The following TBCD variants were observed in gnomAD, a reference collection of about 807,000 sequenced individuals.
TBCD encodes the protein tubulin folding cofactor D.
A neutral mutation model predicts 169.3 loss-of-function variants in TBCD; 105 were observed. The observed-to-expected ratio is 0.62, with a 90% confidence interval of 0.53 to 0.73. The LOEUF (loss-of-function observed/expected upper bound fraction) is 0.73, where lower values mean the gene tolerates loss of function less well. TBCD is among the 30% of genes least tolerant of loss of function. The probability of loss-of-function intolerance (pLI) is 0.00; values close to 1 mark genes in which losing one functional copy is unlikely to be tolerated. For missense variants in TBCD, 1,444 were observed against 1,600.1 expected, an observed-to-expected ratio of 0.90 and a Z score of 1.66; for synonymous variants, 700 against 643.9, an observed-to-expected ratio of 1.09 and a Z score of -1.32.
At chr17:82,817,308 T>C (rs973931120) in intron 13 of TBCD, among the ~76,000 whole-genome samples, 1 of 151,962 alleles carries the variant, frequency 6.6e-6, no homozygotes, top group African/African-American at 2.4e-5. Context: ...TTTTTTTTCT[T>C]TTTTTGAGAC....
intron 2 of TBCD, among the ~76,000 whole-genome samples, chr17:82,758,875 G>A (rs2047599099): frequency 6.6e-6 from 1 of 151,370 alleles, no homozygotes; most frequent in Non-Finnish European, 1.5e-5. Context: ...TGGCCAGGCT[G>A]GTCTCAAACT....
chr17:82,907,712 T>G, intron 20 of TBCD, 49 bp from the exon 21 acceptor site: 1 of 1,605,252 alleles, frequency 6.2e-7, no homozygotes, highest in Non-Finnish European at 8.5e-7. Flanking sequence ...GTACTCGGGG[T>G]TAGGGTCTTG....
At position 82,877,092 on chromosome 17, in the gene TBCD, A is replaced by G. The variant is rs184387243; in HGVS notation, c.1475+6712A>G. ...TTTAAACAAATAACACATTTCAAGA[A>G]TTCAGTGTAACATGTGACCTTTCAG... On this transcript the variant is annotated intron_variant, in intron 14 of 38. Transcript: ENST00000355528. 134 of 664,556 alleles carry G rather than the reference A, an allele frequency of 2.0e-4. No homozygotes were observed. The African/African-American group carries it at 2.5e-3, about 12-fold the overall frequency. 41.2% of individuals were successfully genotyped at this position (664,556 alleles called of 1,614,324 possible).
Position 82,758,397 on chromosome 17 carries a change from A to AT in TBCD, c.235+2182_235+2183insT, listed in dbSNP as rs1453813033. ...GAAAACGTCTCGGAAAAAAAAAAAA[A>AT]AAAAAATAAATAAATAAATAAATTT... is the stretch of plus-strand genomic sequence containing the variant. On this transcript the variant is annotated intron_variant, in intron 2 of 38. Coordinates refer to ENST00000355528, the MANE Select transcript of TBCD (RefSeq NM_005993.5). 3.8e-3 allele frequency among the ~76,000 whole-genome samples: 482 copies of AT among 127,470 alleles called. 5 individuals are homozygous for AT. Among genetic ancestry groups the AT allele is most frequent in the African/African-American group, 0.014 (451 of 33,134 alleles). 83.6% of individuals were successfully genotyped at this position (127,470 alleles called of 152,430 possible). A position where few individuals can be genotyped will look rare whatever the true frequency, so the allele number is the denominator to read the frequency against.
rs2060044288 is a variant in TBCD, at chr17:82,903,737, C to T, written c.1804+259C>T. 6.6e-6 allele frequency among the ~76,000 whole-genome samples: 1 copy of T among 152,188 alleles called. No individual in the cohort carries two copies. The highest frequency in any genetic ancestry group is 2.1e-4 in the South Asian group (1 of 4,826). On this transcript the variant is annotated intron_variant, in intron 19 of 38. Coordinates refer to ENST00000355528, the MANE Select transcript of TBCD (RefSeq NM_005993.5). This position sits in a 1 kb window ranked among gnomAD's most constrained non-coding sequence, Gnocchi z 4.8. The stretch of plus-strand genomic sequence containing the variant: ...CGTGATGGTCCCGCCGGATGCCTGA[C>T]ATGCAGTGCTGCTTCCCTGGTCTCT...
At position 82,866,545 on chromosome 17, in the gene TBCD, G is replaced by A. The variant is rs564818357; in HGVS notation, c.1319-3679G>A. ...CTGTGCTGGCGTGTGGGGCCCTGAC[G>A]TCTCTTGCGGGTGTCATGGAGCAGG... On this transcript the variant is annotated intron_variant, in intron 13 of 38. Coordinates refer to ENST00000355528, the MANE Select transcript of TBCD (RefSeq NM_005993.5). Among the ~76,000 whole-genome samples, 296 of 152,360 alleles carry A rather than the reference G, an allele frequency of 1.9e-3. 3 individuals are homozygous for A. The highest frequency in any genetic ancestry group is 6.9e-3 in the African/African-American group (287 of 41,586).
rs1330996697 is a variant in TBCD, at chr17:82,903,693, T to C, written c.1804+215T>C. On this transcript the variant is annotated intron_variant, in intron 19 of 38. Transcript: ENST00000355528. The surrounding 1 kb of genome is among the most constrained non-coding windows in gnomAD (Gnocchi z 4.8). ...TGCAGGGCAGGGAGCCGCTGAACTG[T>C]GTTACGTACACCGGAGCCCGTGATG... is the stretch of plus-strand genomic sequence containing the variant. Among the ~76,000 whole-genome samples the C allele has an allele frequency of 6.6e-6, 1 of 152,212 alleles. No individual in the cohort carries two copies. The highest frequency in any genetic ancestry group is 1.5e-5 in the Non-Finnish European group (1 of 68,030).
At chr17:82,897,443 G>A (rs1432766675) in intron 17 of TBCD, among the ~76,000 whole-genome samples, 4 of 151,566 alleles carry the variant, frequency 2.6e-5, no homozygotes, top group African/African-American at 7.3e-5. Flanking sequence ...ACTTGATCCC[G>A]GGAGGCGGAG....
In TBCD at chr17:82,930,478, G is replaced by C. The variant is rs768039373; in HGVS notation, c.2992-44G>C. On this transcript the variant is annotated intron_variant, in intron 32 of 38. Coordinates refer to ENST00000355528, the MANE Select transcript of TBCD (RefSeq NM_005993.5). This position sits in a 1 kb window ranked among gnomAD's most constrained non-coding sequence, Gnocchi z 5.2. ...CTGTAGCCAAGCCTGAGGGGTGGCA[G>C]GCTCGGGGGTCCCACTGCCTTCTGA... 6.2e-7 allele frequency: 1 copy of C among 1,601,054 alleles called. No individual in the cohort carries two copies. Among genetic ancestry groups the C allele is most frequent in the Non-Finnish European group, 8.5e-7 (1 of 1,175,066 alleles).
At chr17:82,752,425 G>T in intron 1 of TBCD, 48 bp downstream of exon 1, 1 of 1,187,888 alleles carries the variant, frequency 8.4e-7, no homozygotes, top group South Asian at 4.1e-5. Flanking sequence ...GCCCGGGTTC[G>T]GCGCGCTGAG....
At position 82,926,445 on chromosome 17, in the gene TBCD, G is replaced by A. The variant is rs534429525; in HGVS notation, c.2425G>A (p.Val809Ile). 1.3e-4 allele frequency: 206 copies of A among 1,614,046 alleles called. No individual in the cohort carries two copies. In the South Asian group the frequency reaches 1.4e-3, roughly 11 times the overall value. ...AGTTACCCACACTTCCCCCGAGGACGTAAGTTTTGCTGAGTCCAGGAGAGA... is the reference window on the plus strand; with the variant it reads ...AGTTACCCACACTTCCCCCGAGGACATAAGTTTTGCTGAGTCCAGGAGAGA... Reference protein sequence around the residue: ...RAVTHTSPEDVSFAESRRDGL... With the variant: ...RAVTHTSPEDISFAESRRDGL... Residue 809 changes from valine to isoleucine, a missense_variant, in exon 28 of 39, where the codon GTA becomes ATA. Transcript: ENST00000355528.
At chr17:82,802,326 A>G (rs1207836081) in intron 9 of TBCD, among the ~76,000 whole-genome samples, 1 of 151,780 alleles carries the variant, frequency 6.6e-6, no homozygotes, top group East Asian at 1.9e-4. Context: ...GTCAGCTCAC[A>G]CTCCGTCCTG....
intron 6 of TBCD, among the ~76,000 whole-genome samples, chr17:82,779,131 C>T (rs969427513): frequency 3.3e-5 from 5 of 152,078 alleles, no homozygotes; most frequent in African/African-American, 1.2e-4. Flanking sequence ...CATGCCTCAG[C>T]CTCCCGAGTA....
chr17:82,881,415 G>A (rs2058344948), intron 14 of TBCD, among the ~76,000 whole-genome samples: 1 of 152,250 alleles, frequency 6.6e-6, no homozygotes, highest in African/African-American at 2.4e-5. Flanking sequence ...TCCTGGGGAG[G>A]TCCCGGAACG....
rs137922812 is a variant in TBCD, at chr17:82,803,718, G to A, written c.951-2157G>A. Reference sequence around the variant, plus strand: ...AACAGTGGCTTTAAGTCTTCCGTCCGAGTCTCACCATTGTTGAGGTCGGGA... The same window carrying A: ...AACAGTGGCTTTAAGTCTTCCGTCCAAGTCTCACCATTGTTGAGGTCGGGA... On this transcript the variant is annotated intron_variant, in intron 9 of 38. Coordinates refer to ENST00000355528, the MANE Select transcript of TBCD (RefSeq NM_005993.5). 8.4e-3 allele frequency among the ~76,000 whole-genome samples: 1,285 copies of A among 152,290 alleles called. 10 individuals are homozygous for A. The highest frequency in any genetic ancestry group is 0.012 in the Non-Finnish European group (792 of 68,022).
At chr17:82,861,700 G>T (rs938140475) in intron 13 of TBCD, among the ~76,000 whole-genome samples, 2 of 152,208 alleles carry the variant, frequency 1.3e-5, no homozygotes, top group African/African-American at 4.8e-5. Context: ...ACCAAGCTGT[G>T]CTGGTGTGGC....
intron 13 of TBCD, among the ~76,000 whole-genome samples, chr17:82,846,279 T>C (rs8069035): frequency 0.44 from 31,178 of 70,936 alleles, 6,753 homozygotes; most frequent in South Asian, 0.53. Flanking sequence ...TGTGTCCTCT[T>C]GTCCAGCCCT....
chr17:82,772,013 A>G (rs372353066), intron 5 of TBCD, among the ~76,000 whole-genome samples: 2 of 152,224 alleles, frequency 1.3e-5, no homozygotes, highest in African/African-American at 4.8e-5. Context: ...ATAACTAGGT[A>G]TTTGTAGTAA....
intron 9 of TBCD, among the ~76,000 whole-genome samples, chr17:82,804,080 G>A (rs2050773263): frequency 7.0e-6 from 1 of 142,714 alleles, no homozygotes; most frequent in African/African-American, 2.6e-5. Context: ...GAGTTTAGGG[G>A]AGAGTGGGGG....
Sources: gnomAD v4.1 joint callset for allele counts (sites outside exome capture counted in the v4.1 genomes callset) on GRCh38, gnomAD v4.1.1 for gene constraint, Gnocchi (gnomAD v3.1) non-coding constraint, MANE v1.5 for transcripts, NCBI Gene and HGNC (gene_info 2026-07-23, HGNC 2026-07-21) for gene names.